The following ACSL1 variants were observed in gnomAD, a reference collection of about 807,000 sequenced individuals.
The protein encoded by ACSL1 is long-chain-fatty-acid--CoA ligase 1.
Under a neutral mutation model 98.4 loss-of-function variants are expected in ACSL1, and 41 were observed. The observed-to-expected ratio is 0.42, with a 90% CI of 0.32 to 0.54. The LOEUF (loss-of-function observed/expected upper bound fraction) is 0.54. ACSL1 is among the 20% of genes least tolerant of loss of function. The probability of loss-of-function intolerance (pLI) is 0.13; values close to 1 mark genes in which losing one functional copy is unlikely to be tolerated. For missense variants in ACSL1, 734 were observed against 883.1 expected, an observed-to-expected ratio of 0.83 and a Z score of 2.14; for synonymous variants, 316 against 322.7, an observed-to-expected ratio of 0.98 and a Z score of 0.22.
chr4:184,776,860 T>C, intron 6 of ACSL1, 24 bp downstream of exon 6: 1 of 1,609,768 alleles, frequency 6.2e-7, no homozygotes, highest in Middle Eastern at 1.7e-4. Flanking sequence ...ATGCCAATAA[T>C]CCAGGCAAAG....
intron 2 of ACSL1, among the ~76,000 whole-genome samples, chr4:184,791,563 G>A (rs553316972): frequency 3.7e-4 from 56 of 152,208 alleles, no homozygotes; most frequent in Non-Finnish European, 7.5e-4. Flanking sequence ...TAAAGTTTGA[G>A]AAGCACCTTC....
intron 1 of ACSL1, among the ~76,000 whole-genome samples, chr4:184,815,646 A>G (rs1772562425): frequency 6.6e-6 from 1 of 152,124 alleles, no homozygotes; most frequent in Admixed American, 6.6e-5. Context: ...ACCTCTTAAA[A>G]TAGACCAAGG....
At chr4:184,772,095 A>G (rs1376512153) in intron 10 of ACSL1, among the ~76,000 whole-genome samples, 6 of 152,252 alleles carry the variant, frequency 3.9e-5, no homozygotes, top group Admixed American at 2.0e-4. Flanking sequence ...CTGACTTTAA[A>G]CAAAGTTCTG....
intron 3 of ACSL1, among the ~76,000 whole-genome samples, chr4:184,786,493 T>C (rs967029814): frequency 1.3e-5 from 2 of 151,668 alleles, no homozygotes; most frequent in Non-Finnish European, 2.9e-5. Flanking sequence ...CTGATCCACC[T>C]GATGGATATT....
intron 4 of ACSL1, 120 bp from the exon 5 acceptor site, chr4:184,780,553 G>A (rs967407877): frequency 9.5e-6 from 6 of 631,530 alleles, no homozygotes; most frequent in African/African-American, 7.2e-5. Flanking sequence ...AACGGAGAGG[G>A]AACATGCAGG....
At chr4:184,820,093 G>A (rs1290923133) in intron 1 of ACSL1, among the ~76,000 whole-genome samples, 1 of 152,148 alleles carries the variant, frequency 6.6e-6, no homozygotes, top group Non-Finnish European at 1.5e-5. Context: ...GGGTCAGGCA[G>A]GTTGTGTTAC....
Position 184,763,198 on chromosome 4 carries a change from A to G in ACSL1, c.1490T>C (p.Met497Thr). 11 of 1,614,012 alleles carry G rather than the reference A, an allele frequency of 6.8e-6. No homozygotes were observed. The highest frequency in any genetic ancestry group is 9.3e-6 in the Non-Finnish European group (11 of 1,179,986). Reference protein sequence around the residue: ...NLIKLVDVEEMNYMAAEGEGE... With the variant: ...NLIKLVDVEETNYMAAEGEGE... ...CTCGCCCTCGGCAGCCATGTAATTCATTTCTTCCACATCAACAAGTTTTAT... is the reference window on the plus strand; with the variant it reads ...CTCGCCCTCGGCAGCCATGTAATTCGTTTCTTCCACATCAACAAGTTTTAT... The change falls in exon 16 of 21, where the codon ATG (methionine) becomes ACG (threonine). Residue 497 changes from methionine (M) to threonine (T), a missense_variant. Met to Thr is a moderately conservative substitution (Grantham distance 81). Transcript: ENST00000281455.
At chr4:184,762,639 C>T in intron 16 of ACSL1, 116 bp from the exon 17 acceptor site, 2 of 886,696 alleles carry the variant, frequency 2.3e-6, no homozygotes, top group Non-Finnish European at 3.7e-6. Flanking sequence ...AAGCCCTAAA[C>T]TCCAGGATGC....
chr4:184,803,270 C>A lies in ACSL1; in HGVS notation c.195+50G>T. On this transcript the variant is annotated intron_variant, in intron 2 of 20. Transcript: ENST00000281455. This position sits in a 1 kb window ranked among gnomAD's most constrained non-coding sequence, Gnocchi z 4.8. ...TCACATTCAACAGGGCTCAGCTCAT[C>A]TGGGGAAATGCGGAGAAAACGCACG... 2.1e-6 allele frequency: 3 copies of A among 1,447,234 alleles called. No individual in the cohort carries two copies. The highest frequency in any genetic ancestry group is 1.4e-5 in the South Asian group (1 of 70,552). 89.6% of individuals were successfully genotyped at this position (1,447,234 alleles called of 1,614,324 possible).
intron 14 of ACSL1, 84 bp downstream of exon 14, chr4:184,765,807 A>C: frequency 8.6e-7 from 1 of 1,159,110 alleles, no homozygotes; most frequent in Non-Finnish European, 1.3e-6. Flanking sequence ...ACACACACAC[A>C]CACACAGTAC....
intron 1 of ACSL1, among the ~76,000 whole-genome samples, chr4:184,815,308 G>A (rs945359500): frequency 6.6e-6 from 1 of 152,148 alleles, no homozygotes; most frequent in Admixed American, 6.6e-5. Flanking sequence ...GCGGCAGGTG[G>A]GCTGGGGACT....
At chr4:184,768,510 T>G in intron 11 of ACSL1, 60 bp from the exon 12 acceptor site, 5 of 1,552,158 alleles carry the variant, frequency 3.2e-6, no homozygotes, top group Non-Finnish European at 4.3e-6. Flanking sequence ...ACACAACATA[T>G]GGACAACATC....
At chr4:184,818,883 C>T (rs956205866) in intron 1 of ACSL1, among the ~76,000 whole-genome samples, 10 of 152,166 alleles carry the variant, frequency 6.6e-5, no homozygotes, top group African/African-American at 1.9e-4. Flanking sequence ...TCCTCTACTG[C>T]CCCATGTATT....
chr4:184,805,508 A>T, intron 1 of ACSL1: 2 of 985,576 alleles, frequency 2.0e-6, no homozygotes, highest in Non-Finnish European at 2.4e-6. Flanking sequence ...AGGCACCAGC[A>T]CTTAACAAAA....
intron 1 of ACSL1, among the ~76,000 whole-genome samples, chr4:184,818,919 C>T (rs1210876490): frequency 2.6e-5 from 4 of 152,028 alleles, no homozygotes; most frequent in Non-Finnish European, 5.9e-5. Context: ...ATATGAAGGG[C>T]GGGGGCACTT....
At chr4:184,809,688 T>C (rs530543122) in intron 1 of ACSL1, among the ~76,000 whole-genome samples, 40 of 151,938 alleles carry the variant, frequency 2.6e-4, no homozygotes, top group Non-Finnish European at 5.6e-4. Flanking sequence ...CCCAGCTACT[T>C]GGGAGGCTGA....
intron 3 of ACSL1, among the ~76,000 whole-genome samples, chr4:184,786,593 A>G (rs1325730455): frequency 6.6e-6 from 1 of 152,192 alleles, no homozygotes; most frequent in East Asian, 1.9e-4. Context: ...TTTCCTTTGT[A>G]ATAGGGCTTA....
chr4:184,780,414 C>T lies in ACSL1; in HGVS notation c.395G>A (p.Cys132Tyr). Residue 132 changes from cysteine (C) to tyrosine (Y), a missense_variant, in exon 5 of 21, where the codon TGC becomes TAC. Physicochemically the swap from Cys to Tyr is radical, Grantham distance 194. Transcript: ENST00000281455. Reference sequence around the variant, plus strand: ...CTTCTGGATCAGTGCTGAGCCTATGCACTCCGACAATTCTGCAACCTAAAA... The same window carrying T: ...CTTCTGGATCAGTGCTGAGCCTATGTACTCCGACAATTCTGCAACCTAAAA... ...SYKQVAELSECIGSALIQKGF... is the reference protein window; with the variant it reads ...SYKQVAELSEYIGSALIQKGF... 6.2e-7 allele frequency: 1 copy of T among 1,612,818 alleles called. No homozygotes were observed. The highest frequency in any genetic ancestry group is 8.5e-7 in the Non-Finnish European group (1 of 1,179,730).
chr4:184,756,938 A>C lies in ACSL1; in HGVS notation c.*187T>G, dbSNP rs1320904122. 4.8e-6 allele frequency: 3 copies of C among 626,670 alleles called. No individual in the cohort carries two copies. Among genetic ancestry groups the C allele is most frequent in the South Asian group, 3.7e-5 (1 of 26,986 alleles). The allele number at this position is 626,670 out of a possible 1,614,324, so 38.8% of individuals were successfully genotyped here. A position where few individuals can be genotyped will look rare whatever the true frequency, so the allele number is the denominator to read the frequency against. ...TATTACCATAAACATGGTCTGCAAC[A>C]TGAGGTGACTGTAAGGCAGTGTTCT... On this transcript the variant is annotated 3_prime_UTR_variant, in exon 21 of 21. Coordinates refer to ENST00000281455, the MANE Select transcript of ACSL1 (RefSeq NM_001995.5).
Sources: gnomAD v4.1 joint callset for allele counts (sites outside exome capture counted in the v4.1 genomes callset) on GRCh38, gnomAD v4.1.1 for gene constraint, Gnocchi (gnomAD v3.1) non-coding constraint, MANE v1.5 for transcripts, NCBI Gene and HGNC (gene_info 2026-07-23, HGNC 2026-07-21) for gene names.